ITGA3: variants seen among roughly 807,000 people sequenced by gnomAD.
ITGA3 encodes the protein integrin alpha-3.
Under a neutral mutation model 131.1 loss-of-function variants are expected in ITGA3, and 70 were observed. That is an observed-to-expected ratio of 0.53 (90% confidence interval 0.44 to 0.65). ITGA3 has a LOEUF of 0.65. Ranked by LOEUF, ITGA3 falls within the 30% of genes least tolerant of loss-of-function variation. The probability of loss-of-function intolerance (pLI) is 0.00; values close to 1 mark genes in which losing one functional copy is unlikely to be tolerated. For missense variants in ITGA3, 1,098 were observed against 1,388.6 expected, an observed-to-expected ratio of 0.79 and a Z score of 3.33; for synonymous variants, 537 against 571.6, an observed-to-expected ratio of 0.94 and a Z score of 0.86.
At position 50,075,691 on chromosome 17, in the gene ITGA3, T is replaced by G. The variant is rs897486528; in HGVS notation, c.1630T>G (p.Ser544Ala). ...SESAVFHGFFSMPEMRCQKLE... is the reference protein window; with the variant it reads ...SESAVFHGFFAMPEMRCQKLE... ...GTCCGCTGTCTTCCACGGCTTCTTC[T>G]CCATGCCCGAGATGCGCTGCCAGAA... is the stretch of plus-strand genomic sequence containing the variant. Residue 544 changes from serine to alanine, a missense_variant, in exon 12 of 26, where the codon TCC (serine) becomes GCC (alanine). Coordinates refer to ENST00000320031, the MANE Select transcript of ITGA3 (RefSeq NM_002204.4). 1 of 1,613,982 alleles carries G rather than the reference T, an allele frequency of 6.2e-7. No homozygotes were observed. Among genetic ancestry groups the G allele is most frequent in the Non-Finnish European group, 8.5e-7 (1 of 1,180,018 alleles).
Position 50,088,337 on chromosome 17 carries a change from G to T in ITGA3, c.*2G>T, listed in dbSNP as rs762763548. On this transcript the variant is annotated 3_prime_UTR_variant, in exon 25 of 26. Coordinates refer to ENST00000320031, the MANE Select transcript of ITGA3 (RefSeq NM_002204.4). The stretch of plus-strand genomic sequence containing the variant: ...GAGAGGCTGACCGACGACTACTGAG[G>T]GGGCAGCCCCCCGCCCCCGGCCCAC... 5 of 1,565,458 alleles carry T rather than the reference G, an allele frequency of 3.2e-6. No individual in the cohort carries two copies. The South Asian group carries it at 5.9e-5, about 18-fold the overall frequency.
In ITGA3 at chr17:50,056,631, G is replaced by A. The variant is rs1219876021; in HGVS notation, c.192G>A (p.Arg64=). ...YSVALHRQTE[R]QQRYLLLAGA... is the part of the protein sequence containing the mutation. ...TCGCCCTCCATCGGCAGACAGAGCGGCAGCAGCGCTACCTGTAAGTGAAGC... is the reference window on the plus strand; with the variant it reads ...TCGCCCTCCATCGGCAGACAGAGCGACAGCAGCGCTACCTGTAAGTGAAGC... Residue 64 remains arginine (R), a synonymous_variant, in exon 1 of 26, where the codon CGG becomes CGA. Transcript: ENST00000320031. This position sits in a 1 kb window ranked among gnomAD's most constrained non-coding sequence, Gnocchi z 5.6. The A allele has an allele frequency of 6.2e-7, 1 of 1,601,528 alleles. No individual in the cohort carries two copies. Among genetic ancestry groups the A allele is most frequent in the East Asian group, 2.3e-5 (1 of 44,218 alleles).
intron 22 of ITGA3, 130 bp downstream of exon 22, chr17:50,080,505 T>TGTGTGTGTGTGTGTGA (rs577531446): frequency 3.9e-6 from 2 of 514,538 alleles, no homozygotes; most frequent in Admixed American, 3.5e-5. Flanking sequence ...TGTGTGTGTG[T>TGTGTGTGTGTGTGTGA]GATTTGCGTG....
At chr17:50,074,424 T>C (rs1285065609) in intron 9 of ITGA3, 24 bp from the exon 10 acceptor site, 2 of 1,611,044 alleles carry the variant, frequency 1.2e-6, no homozygotes, top group Non-Finnish European at 1.7e-6. Context: ...CACTGATATC[T>C]GTCTGGCTCT....
intron 14 of ITGA3, 79 bp from the exon 15 acceptor site, chr17:50,076,895 C>A: frequency 6.7e-7 from 1 of 1,501,104 alleles, no homozygotes; most frequent in Non-Finnish European, 9.1e-7. Flanking sequence ...ACCTAGGAGA[C>A]CCCAGGGGCG....
At chr17:50,081,436 A>G (rs767257332) in intron 23 of ITGA3, 28 bp downstream of exon 23, 11 of 1,488,702 alleles carry the variant, frequency 7.4e-6, no homozygotes, top group African/African-American at 1.4e-5. Context: ...CTAGGACAGC[A>G]GTCTCCAGCC....
chr17:50,076,705 T>A, intron 14 of ITGA3, 24 bp downstream of exon 14: 1 of 1,596,632 alleles, frequency 6.3e-7, no homozygotes, highest in African/African-American at 1.3e-5. Context: ...GCCGGCCGCG[T>A]TAATCGGCCA....
At chr17:50,081,574 TA>T (rs1334008034) in intron 23 of ITGA3, among the ~76,000 whole-genome samples, 166 bp downstream of exon 23, 1 of 152,148 alleles carries the variant, frequency 6.6e-6, no homozygotes, top group Admixed American at 6.5e-5. Context: ...CCAGAGCAAT[TA>T]ACCCCGGGTC....
chr17:50,073,942 G>A lies in ITGA3; in HGVS notation c.1183G>A (p.Gly395Ser), dbSNP rs776437753. Reference protein sequence around the residue: ...QDIAVGAPFEGLGKVYIYHSS... With the variant: ...QDIAVGAPFESLGKVYIYHSS... ...TATTGCTGTGGGAGCTCCGTTTGAAGGCTTGGGCAAAGTGTACATCTATCA... is the reference window on the plus strand; with the variant it reads ...TATTGCTGTGGGAGCTCCGTTTGAAAGCTTGGGCAAAGTGTACATCTATCA... Residue 395 changes from glycine (G) to serine (S), a missense_variant, in exon 8 of 26, where the codon GGC (glycine) becomes AGC (serine). Gly to Ser is a moderately conservative substitution (Grantham distance 56). Transcript: ENST00000320031. The A allele has an allele frequency of 1.9e-6, 3 of 1,614,042 alleles. No homozygotes were observed. The African/African-American group carries it at 4.0e-5, about 22-fold the overall frequency.
intron 22 of ITGA3, 68 bp downstream of exon 22, chr17:50,080,443 G>C (rs1465304676): frequency 1.2e-6 from 1 of 867,052 alleles, no homozygotes; most frequent in Non-Finnish European, 1.9e-6. Flanking sequence ...GGGAGAGGGC[G>C]AGTCCAGGGT....
intron 1 of ITGA3, among the ~76,000 whole-genome samples, chr17:50,063,004 G>A (rs1329268404): frequency 2.7e-5 from 4 of 149,192 alleles, no homozygotes; most frequent in African/African-American, 1.0e-4. Flanking sequence ...TCCACCAGAT[G>A]GTGTGTTGTG....
intron 7 of ITGA3, among the ~76,000 whole-genome samples, chr17:50,072,453 TG>T (rs1908676408): frequency 6.9e-6 from 1 of 144,394 alleles, no homozygotes; most frequent in Admixed American, 7.2e-5. Flanking sequence ...AGAGAACTGA[TG>T]GGGCACAACA....
chr17:50,080,460 ATGGGTGTG>A, intron 22 of ITGA3, 85 bp downstream of exon 22: 1 of 486,218 alleles, frequency 2.1e-6, no homozygotes, highest in Non-Finnish European at 3.5e-6. Context: ...GGGTCATAGC[ATGGGTGTG>A]TGTGTGTGTG....
rs182782410 is a variant in ITGA3 at position 50,057,145 on chromosome 17, C to T, written c.206+500C>T. On this transcript the variant is annotated intron_variant, in intron 1 of 25. Coordinates refer to ENST00000320031, the MANE Select transcript of ITGA3 (RefSeq NM_002204.4). ...ATGGCCTTCTCAACCGCTGGCTTGGCGGATGGAGGGTGAGGCGATGGGTGA... is the reference window on the plus strand; with the variant it reads ...ATGGCCTTCTCAACCGCTGGCTTGGTGGATGGAGGGTGAGGCGATGGGTGA... Among the ~76,000 whole-genome samples, 322 of 152,304 alleles carry T rather than the reference C, an allele frequency of 2.1e-3. 5 individuals carry two copies. The highest frequency in any genetic ancestry group is 1.7e-3 in the Non-Finnish European group (118 of 68,018).
intron 3 of ITGA3, 75 bp from the exon 4 acceptor site, chr17:50,067,981 C>G (rs1908413149): frequency 1.9e-6 from 3 of 1,582,560 alleles, no homozygotes; most frequent in Non-Finnish European, 2.6e-6. Context: ...AAGCCAGAGG[C>G]TTACAGGGTA....
chr17:50,075,640 C>T lies in ITGA3; in HGVS notation c.1579C>T (p.Pro527Ser), dbSNP rs199811850. ...GGAGGCTGACAGGGACCGCCGGCCG[C>T]CCCGGCTCCGCTTTGCCGGCAGTGA... ...TLEADRDRRP[P>S]RLRFAGSESA... Residue 527 changes from proline to serine, a missense_variant, in exon 12 of 26, where the codon CCC (proline) becomes TCC (serine). Pro to Ser is a moderately conservative substitution (Grantham distance 74). This residue lies in a region of ITGA3 where 699 missense variants were observed against 829.2 expected (regional missense o/e 0.84). Coordinates refer to ENST00000320031, the MANE Select transcript of ITGA3 (RefSeq NM_002204.4). 6.2e-7 allele frequency: 1 copy of T among 1,614,202 alleles called. No homozygotes were observed. The highest frequency in any genetic ancestry group is 2.2e-5 in the East Asian group (1 of 44,880).
chr17:50,058,347 C>T (rs972801515), intron 1 of ITGA3, among the ~76,000 whole-genome samples: 1 of 152,188 alleles, frequency 6.6e-6, no homozygotes, highest in Non-Finnish European at 1.5e-5. Flanking sequence ...CCTGAATTTC[C>T]GCACATGTTG....
At chr17:50,088,779 C>T (rs111623280) in intron 25 of ITGA3, among the ~76,000 whole-genome samples, 1 of 152,272 alleles carries the variant, frequency 6.6e-6, no homozygotes, top group Admixed American at 6.5e-5. Flanking sequence ...CCTGAGCAAC[C>T]CTTCCAGGAT....
At position 50,089,415 on chromosome 17, in the gene ITGA3, C is replaced by A; in HGVS notation, c.*337C>A. ...ACACCTCGTCAAGAGCATGCACATG[C>A]TGTCTGGCCCTGGGGATCTTCCCAC... On this transcript the variant is annotated 3_prime_UTR_variant, in exon 26 of 26. Coordinates refer to ENST00000320031, the MANE Select transcript of ITGA3 (RefSeq NM_002204.4). The A allele has an allele frequency of 1.6e-6, 1 of 642,638 alleles. No individual in the cohort carries two copies. The highest frequency in any genetic ancestry group is 2.7e-6 in the Non-Finnish European group (1 of 369,704). 39.8% of individuals were successfully genotyped at this position (642,638 alleles called of 1,614,324 possible). A position where few individuals can be genotyped will look rare whatever the true frequency, so the allele number is the denominator to read the frequency against.
Sources: allele counts gnomAD v4.1 joint callset (sites outside exome capture counted in the v4.1 genomes callset), GRCh38; gene constraint gnomAD v4.1.1; regional missense constraint gnomAD v4.1.1; non-coding constraint Gnocchi (gnomAD v3.1); transcripts MANE v1.5; gene names NCBI Gene and HGNC (gene_info 2026-07-23, HGNC 2026-07-21).